The following ATF7IP variants were observed in gnomAD, a reference collection of about 807,000 sequenced individuals.
ATF7IP encodes the protein activating transcription factor 7 interacting protein, also known as activating transcription factor 7-interacting protein 1.
A neutral mutation model predicts 106.4 loss-of-function variants in ATF7IP; 23 were observed. The ratio of observed to expected loss-of-function variants is 0.22; its 90% CI spans 0.16 to 0.31. The LOEUF is 0.31. ATF7IP is among the 10% of genes least tolerant of loss of function. The pLI, the probability that ATF7IP is intolerant of heterozygous loss-of-function variation, is 1.00. For synonymous variants in ATF7IP, 542 were observed against 539.0 expected, an observed-to-expected ratio of 1.01 and a Z score of -0.08; for missense variants, 1,334 against 1,524.3, an observed-to-expected ratio of 0.88 and a Z score of 2.08.
chr12:14,476,020 C>A, intron 11 of ATF7IP, 52 bp downstream of exon 11: 2 of 1,299,296 alleles, frequency 1.5e-6, no homozygotes, highest in South Asian at 1.2e-5. Context: ...TTTTTTTTGT[C>A]TTAATACGGT....
chr12:14,456,456 C>T, intron 6 of ATF7IP, 105 bp from the exon 7 acceptor site: 1 of 706,940 alleles, frequency 1.4e-6, no homozygotes, highest in Non-Finnish European at 2.4e-6. Context: ...TATATTAGAA[C>T]AGTGACAGAT....
chr12:14,420,824 G>T (rs974129656), intron 1 of ATF7IP, among the ~76,000 whole-genome samples: 1 of 152,172 alleles, frequency 6.6e-6, no homozygotes, highest in African/African-American at 2.4e-5. Context: ...GTGAGTATCA[G>T]TTAAGTTTCC....
intron 6 of ATF7IP, among the ~76,000 whole-genome samples, chr12:14,451,967 A>G (rs78067487): frequency 0.1 from 15,827 of 152,124 alleles, 1,011 homozygotes; most frequent in African/African-American, 0.19. Flanking sequence ...GAAGTTTCCT[A>G]CTATCATTGT....
chr12:14,403,800 AT>A (rs1201268438), intron 1 of ATF7IP, among the ~76,000 whole-genome samples: 1 of 151,868 alleles, frequency 6.6e-6, no homozygotes. Flanking sequence ...ATTTTTTTTA[AT>A]TCTGGAGGCT....
chr12:14,385,176 A>G (rs1386355550), intron 1 of ATF7IP: 5 of 488,344 alleles, frequency 1.0e-5, no homozygotes, highest in Middle Eastern at 4.2e-4. Flanking sequence ...GCTGTTGTCT[A>G]TGTTCAGTTT....
intron 10 of ATF7IP, among the ~76,000 whole-genome samples, chr12:14,467,363 AC>A (rs1362225860): frequency 2.6e-5 from 4 of 152,288 alleles, no homozygotes; most frequent in Non-Finnish European, 4.4e-5. Context: ...TTCTTTAAAA[AC>A]GATGGATTTT....
At chr12:14,435,557 T>A (rs1011420648) in intron 3 of ATF7IP, among the ~76,000 whole-genome samples, 1 of 152,242 alleles carries the variant, frequency 6.6e-6, no homozygotes, top group Non-Finnish European at 1.5e-5. Flanking sequence ...ATATTCTTTA[T>A]AAATGTACTT....
At chr12:14,487,657 C>A (rs796092753) in intron 13 of ATF7IP, among the ~76,000 whole-genome samples, 9 of 152,250 alleles carry the variant, frequency 5.9e-5, no homozygotes, top group African/African-American at 2.2e-4. Context: ...TGTAGGTTAG[C>A]CAATTGTATG....
chr12:14,402,947 C>A (rs1940338941), intron 1 of ATF7IP, among the ~76,000 whole-genome samples: 1 of 152,014 alleles, frequency 6.6e-6, no homozygotes, highest in Non-Finnish European at 1.5e-5. Flanking sequence ...GCTTTTACTG[C>A]TTTGCTCAGG....
Position 14,407,672 on chromosome 12 carries a change from T to C in ATF7IP, c.-7-16237T>C, listed in dbSNP as rs147622707. Among the ~76,000 whole-genome samples the C allele has an allele frequency of 8.6e-3, 1,313 of 152,248 alleles. 12 individuals carry two copies. The highest frequency in any genetic ancestry group is 0.028 in the African/African-American group (1,160 of 41,562). On this transcript the variant is annotated intron_variant, in intron 1 of 14. Coordinates refer to ENST00000261168, the MANE Select transcript of ATF7IP (RefSeq NM_018179.5). ...CTCCACTTTAGGCAAAGTTGAAAAA[T>C]CAAAAATAGCGGTGTTGTACAGATT...
chr12:14,379,896 A>G (rs752564561), intron 1 of ATF7IP, among the ~76,000 whole-genome samples: 2 of 150,686 alleles, frequency 1.3e-5, no homozygotes, highest in Non-Finnish European at 3.0e-5. Context: ...TCTGTTTATT[A>G]TGGTCTGCTG....
In ATF7IP at chr12:14,457,160, C is replaced by G. The variant is rs140859227; in HGVS notation, c.2070-47C>G. 6.1e-4 allele frequency: 902 copies of G among 1,481,756 alleles called. 11 individuals carry two copies. The South Asian group carries it at 7.3e-3, about 12-fold the overall frequency. 91.8% of individuals were successfully genotyped at this position (1,481,756 alleles called of 1,614,324 possible). On this transcript the variant is annotated intron_variant, in intron 7 of 14. Coordinates refer to ENST00000261168, the MANE Select transcript of ATF7IP (RefSeq NM_018179.5). ...TATTCTAGATATCAGTTGGTATTCC[C>G]TGAGTGGCATATCTATTGACTATTG...
rs747909444 is a variant in ATF7IP at position 14,460,501 on chromosome 12, C to T, written c.2165C>T (p.Ser722Leu). ...SFQTPVNTVSSTNLVTPPAVV... is the reference protein window; with the variant it reads ...SFQTPVNTVSLTNLVTPPAVV... Reference sequence around the variant, plus strand: ...TTCTGTTTTCTTTCTATAGTATCTTCAACCAATCTTGTCACTCCTCCAGCA... The same window carrying T: ...TTCTGTTTTCTTTCTATAGTATCTTTAACCAATCTTGTCACTCCTCCAGCA... The change falls in exon 9 of 15, where the codon TCA becomes TTA. Residue 722 changes from serine to leucine, a missense_variant. Ser to Leu is a moderately radical substitution (Grantham distance 145). Coordinates refer to ENST00000261168, the MANE Select transcript of ATF7IP (RefSeq NM_018179.5). 4 of 1,612,328 alleles carry T rather than the reference C, an allele frequency of 2.5e-6. No homozygotes were observed. Among genetic ancestry groups the T allele is most frequent in the Non-Finnish European group, 3.4e-6 (4 of 1,178,822 alleles).
chr12:14,453,688 A>C (rs1328859924), intron 6 of ATF7IP, among the ~76,000 whole-genome samples: 1 of 151,368 alleles, frequency 6.6e-6, no homozygotes, highest in East Asian at 1.9e-4. Flanking sequence ...GTAACGGCGC[A>C]ATCTCCACTC....
At chr12:14,398,687 AATTT>A (rs1421463500) in intron 1 of ATF7IP, among the ~76,000 whole-genome samples, 1 of 151,786 alleles carries the variant, frequency 6.6e-6, no homozygotes, top group African/African-American at 2.4e-5. Flanking sequence ...TCTGATTGTG[AATTT>A]ATTAGTTTTT....
intron 1 of ATF7IP, among the ~76,000 whole-genome samples, chr12:14,388,855 G>A (rs1939393152): frequency 6.6e-6 from 1 of 152,132 alleles, no homozygotes; most frequent in Non-Finnish European, 1.5e-5. Flanking sequence ...GGCCAAGCTG[G>A]TCTCGAACTC....
At chr12:14,427,517 C>A (rs1941919086) in intron 2 of ATF7IP, among the ~76,000 whole-genome samples, 1 of 152,160 alleles carries the variant, frequency 6.6e-6, no homozygotes, top group African/African-American at 2.4e-5. Flanking sequence ...AGGTGCGCGA[C>A]ACCACGCCTG....
intron 14 of ATF7IP, among the ~76,000 whole-genome samples, chr12:14,497,094 T>C (rs775454488): frequency 2.6e-5 from 4 of 152,244 alleles, no homozygotes; most frequent in Non-Finnish European, 4.4e-5. Flanking sequence ...GGTACATGAT[T>C]ATTTCTGCAT....
chr12:14,483,210 C>T (rs1051495882), intron 13 of ATF7IP, among the ~76,000 whole-genome samples: 3 of 152,156 alleles, frequency 2.0e-5, no homozygotes, highest in African/African-American at 7.2e-5. Context: ...ATGACCCAAA[C>T]CTTCATTCTT....
Sources: gnomAD v4.1 joint callset for allele counts (sites outside exome capture counted in the v4.1 genomes callset) on GRCh38, gnomAD v4.1.1 for gene constraint, MANE v1.5 for transcripts, NCBI Gene and HGNC (gene_info 2026-07-23, HGNC 2026-07-21) for gene names.